ADARB2: variants seen among roughly 807,000 people sequenced by gnomAD.
ADARB2 encodes the protein adenosine deaminase RNA specific B2 (inactive).
In ADARB2, 25 loss-of-function variants were observed where a neutral mutation model predicts 62.2. The observed-to-expected ratio is 0.40, with a 90% CI of 0.29 to 0.56. The LOEUF is 0.56. Among genes scored for constraint, ADARB2 ranks in the 20% least tolerant of loss-of-function variants. ADARB2 has a pLI of 0.43. For synonymous variants in ADARB2, 572 were observed against 500.8 expected, an observed-to-expected ratio of 1.14 and a Z score of -1.90; for missense variants, 1,071 against 1,077.4, an observed-to-expected ratio of 0.99 and a Z score of 0.08.
chr10:1,677,109 A>G (rs1834475966), intron 1 of ADARB2, among the ~76,000 whole-genome samples: 1 of 152,268 alleles, frequency 6.6e-6, no homozygotes, highest in South Asian at 2.1e-4. Flanking sequence ...CAACATGCTT[A>G]GTTTAATTTA....
intron 1 of ADARB2, among the ~76,000 whole-genome samples, chr10:1,607,274 G>A (rs1000036750): frequency 2.6e-5 from 4 of 152,300 alleles, no homozygotes; most frequent in Middle Eastern, 3.4e-3. Context: ...ATTCATGAAC[G>A]ATTCACCACG....
intron 1 of ADARB2, among the ~76,000 whole-genome samples, chr10:1,602,448 C>T (rs188602591): frequency 2.6e-4 from 39 of 152,252 alleles, no homozygotes; most frequent in Middle Eastern, 3.4e-3. Context: ...GGAGGGGAAG[C>T]GTGATTTTTC....
At chr10:1,350,427 A>C (rs2131843648) in intron 3 of ADARB2, among the ~76,000 whole-genome samples, 1 of 151,942 alleles carries the variant, frequency 6.6e-6, no homozygotes, top group Middle Eastern at 3.4e-3. Flanking sequence ...CCAATTCTTC[A>C]TCAGCCTCCG....
At chr10:1,523,872 A>G (rs557574749) in intron 1 of ADARB2, among the ~76,000 whole-genome samples, 4 of 152,200 alleles carry the variant, frequency 2.6e-5, no homozygotes, top group Non-Finnish European at 4.4e-5. Context: ...TGGCCTGCAT[A>G]TTATAAACAG....
intron 1 of ADARB2, among the ~76,000 whole-genome samples, chr10:1,401,460 G>T (rs959776732): frequency 6.6e-6 from 1 of 152,222 alleles, no homozygotes; most frequent in Non-Finnish European, 1.5e-5. Flanking sequence ...ACTGACCATG[G>T]AGGGCAGGTG....
chr10:1,545,775 G>A (rs1832509780), intron 1 of ADARB2, among the ~76,000 whole-genome samples: 1 of 152,198 alleles, frequency 6.6e-6, no homozygotes, highest in African/African-American at 2.4e-5. Context: ...CGCAGTGAGG[G>A]CGCACGGGGC....
At chr10:1,462,773 TTA>T (rs141342198) in intron 1 of ADARB2, among the ~76,000 whole-genome samples, 10,916 of 150,292 alleles carry the variant, frequency 0.073, 476 homozygotes, top group East Asian at 0.19. Flanking sequence ...GTGCATGTGT[TTA>T]TGTGTGCACG....
chr10:1,577,911 A>G (rs990206622), intron 1 of ADARB2, among the ~76,000 whole-genome samples: 1 of 152,214 alleles, frequency 6.6e-6, no homozygotes, highest in African/African-American at 2.4e-5. Flanking sequence ...GGACACAGAC[A>G]CAACCAGAGG....
chr10:1,614,030 T>C (rs1833601848), intron 1 of ADARB2, among the ~76,000 whole-genome samples: 1 of 152,228 alleles, frequency 6.6e-6, no homozygotes, highest in Non-Finnish European at 1.5e-5. Context: ...GGAAATAAAA[T>C]GACTTTTCTT....
chr10:1,265,878 T>G (rs1314997809), intron 4 of ADARB2, among the ~76,000 whole-genome samples: 5 of 106,034 alleles, frequency 4.7e-5, no homozygotes, highest in African/African-American at 1.9e-4. Context: ...GAAGACGGCC[T>G]GAGAGGGGGG....
At chr10:1,186,067 C>T (rs1836753750) in intron 8 of ADARB2, among the ~76,000 whole-genome samples, 1 of 152,196 alleles carries the variant, frequency 6.6e-6, no homozygotes, top group Admixed American at 6.5e-5. Flanking sequence ...CCTGAGGATT[C>T]CAAAACATGA....
rs1180217657 is a variant in ADARB2, at chr10:1,473,300, T to C, written c.101-94140A>G. 2.0e-5 allele frequency among the ~76,000 whole-genome samples: 3 copies of C among 152,350 alleles called. No individual in the cohort carries two copies. In the East Asian group the frequency reaches 5.8e-4, roughly 29 times the overall value. On this transcript the variant is annotated intron_variant, in intron 1 of 9. Coordinates refer to ENST00000381312, the MANE Select transcript of ADARB2 (RefSeq NM_018702.4). ...ATTCTTTCTTCTGAGGAGGCAAGAATTGAGGTTGCCTGCCACAGACCCTAA... is the reference window on the plus strand; with the variant it reads ...ATTCTTTCTTCTGAGGAGGCAAGAACTGAGGTTGCCTGCCACAGACCCTAA...
rs1364889633 is a variant in ADARB2, at chr10:1,332,198, A to G, written c.1077+30830T>C. Among the ~76,000 whole-genome samples, 2 of 152,212 alleles carry G rather than the reference A, an allele frequency of 1.3e-5. 1 individual carries two copies. Among genetic ancestry groups the G allele is most frequent in the African/African-American group, 4.8e-5 (2 of 41,458 alleles). On this transcript the variant is annotated intron_variant, in intron 3 of 9. Transcript: ENST00000381312. ...GCAGGCAGACTGCCTGAGCCCAGGA[A>G]TTTTAGAGTGGCCTGGACAACATAA...
Position 1,363,260 on chromosome 10 carries a change from A to C in ADARB2, c.845T>G (p.Leu282Arg). Residue 282 changes from leucine to arginine, a missense_variant, in exon 3 of 10, where the codon CTG becomes CGG. Leu to Arg is a moderately radical substitution (Grantham distance 102). Transcript: ENST00000381312. ...CAGCCCGGCGCGCAGGCGGTTCAGCAGCACCACGGGGTTGCGCTCGCCCGG... is the reference window on the plus strand; with the variant it reads ...CAGCCCGGCGCGCAGGCGGTTCAGCCGCACCACGGGGTTGCGCTCGCCCGG... ...AAPGERNPVV[L>R]LNRLRAGLRY... is the part of the protein sequence containing the mutation. 1 of 1,311,312 alleles carries C rather than the reference A, an allele frequency of 7.6e-7. No individual in the cohort carries two copies. Among genetic ancestry groups the C allele is most frequent in the Non-Finnish European group, 9.7e-7 (1 of 1,027,512 alleles). 81.2% of individuals were successfully genotyped at this position (1,311,312 alleles called of 1,614,324 possible).
chr10:1,697,096 T>C (rs537642730), intron 1 of ADARB2, among the ~76,000 whole-genome samples: 1 of 152,278 alleles, frequency 6.6e-6, no homozygotes, highest in East Asian at 1.9e-4. Context: ...CTAAAGGTTT[T>C]CATTTCTGTT....
At chr10:1,629,590 G>A (rs889628444) in intron 1 of ADARB2, among the ~76,000 whole-genome samples, 43 of 124,084 alleles carry the variant, frequency 3.5e-4, no homozygotes, top group South Asian at 7.5e-4. Flanking sequence ...CCCTCAGGTC[G>A]TCACAAAGGC....
Position 1,737,361 on chromosome 10 carries a change from G to T in ADARB2, c.-211C>A. The T allele has an allele frequency of 1.8e-6, 1 of 552,916 alleles. No homozygotes were observed. Among genetic ancestry groups the T allele is most frequent in the Non-Finnish European group, 3.2e-6 (1 of 313,206 alleles). 34.3% of individuals were successfully genotyped at this position (552,916 alleles called of 1,614,324 possible). A position where few individuals can be genotyped will look rare whatever the true frequency, so the allele number is the denominator to read the frequency against. On this transcript the variant is annotated 5_prime_UTR_variant, in exon 1 of 10. Coordinates refer to ENST00000381312, the MANE Select transcript of ADARB2 (RefSeq NM_018702.4). ...TGCTCCCACTGGGCTGGGGGCCTCG[G>T]CTGGGCGCCTGGAGCGAGCTGCTCC...
At chr10:1,372,399 C>A (rs1343103766) in intron 2 of ADARB2, among the ~76,000 whole-genome samples, 2 of 152,198 alleles carry the variant, frequency 1.3e-5, no homozygotes, top group African/African-American at 4.8e-5. Flanking sequence ...GCAGCCCAAT[C>A]CCCACCAGGG....
intron 1 of ADARB2, among the ~76,000 whole-genome samples, chr10:1,590,659 A>G (rs1243218085): frequency 6.6e-6 from 1 of 152,190 alleles, no homozygotes; most frequent in Non-Finnish European, 1.5e-5. Context: ...CAGTCTTTTC[A>G]TGTATTTCAT....
Sources: allele counts gnomAD v4.1 joint callset (sites outside exome capture counted in the v4.1 genomes callset), GRCh38; gene constraint gnomAD v4.1.1; transcripts MANE v1.5; gene names NCBI Gene and HGNC (gene_info 2026-07-23, HGNC 2026-07-21).